Variants in STARD13 observed in about 807,000 individuals in gnomAD.
STARD13 encodes stAR-related lipid transfer protein 13.
In STARD13, 62 loss-of-function variants were observed where a neutral mutation model predicts 106.4. That is an observed-to-expected ratio of 0.58 (90% confidence interval 0.48 to 0.72). The LOEUF is 0.72. Ranked by LOEUF, STARD13 falls within the 30% of genes least tolerant of loss-of-function variation. STARD13 has a pLI of 0.00. For missense variants in STARD13, 1,387 were observed against 1,424.0 expected, an observed-to-expected ratio of 0.97 and a Z score of 0.42; for synonymous variants, 565 against 553.0, an observed-to-expected ratio of 1.02 and a Z score of -0.31.
chr13:33,555,160 T>C, the STARD13 span, among the ~76,000 whole-genome samples: 1 of 152,346 alleles, frequency 6.6e-6, no homozygotes, highest in African/African-American at 2.4e-5. Flanking sequence ...TGTAACTAGT[T>C]AGTATCTGAA....
the STARD13 span, among the ~76,000 whole-genome samples, chr13:33,512,357 A>C: frequency 6.6e-6 from 1 of 152,200 alleles, no homozygotes; most frequent in African/African-American, 2.4e-5. Flanking sequence ...AGGAGTAATA[A>C]ATACTGTTAA....
At chr13:33,382,261 T>TATAG in the STARD13 span, among the ~76,000 whole-genome samples, 1 of 152,174 alleles carries the variant, frequency 6.6e-6, no homozygotes, top group Non-Finnish European at 1.5e-5. Flanking sequence ...TCAATCCAGT[T>TATAG]ATAGAAGTTG....
the STARD13 span, among the ~76,000 whole-genome samples, chr13:33,669,530 C>CTTTTTTTTTTT: frequency 9.7e-6 from 1 of 103,154 alleles, no homozygotes; most frequent in Non-Finnish European, 1.9e-5. Flanking sequence ...AGAGGATGTT[C>CTTTTTTTTTTT]TTTTTTTTTT....
At chr13:33,160,511 C>G (rs1882496460) in intron 3 of STARD13, among the ~76,000 whole-genome samples, 1 of 152,132 alleles carries the variant, frequency 6.6e-6, no homozygotes, top group Non-Finnish European at 1.5e-5. Flanking sequence ...CAAGCTACAG[C>G]CTGGCAGAAA....
intron 1 of STARD13, among the ~76,000 whole-genome samples, chr13:33,211,831 G>A (rs572958935): frequency 0.011 from 1,002 of 93,698 alleles, 14 homozygotes; most frequent in African/African-American, 0.028. Flanking sequence ...GTGTGTATGT[G>A]TGTGTGTGTG....
the STARD13 span, among the ~76,000 whole-genome samples, chr13:33,463,996 A>G: frequency 8.3e-5 from 12 of 144,954 alleles, no homozygotes; most frequent in Non-Finnish European, 1.8e-4. Flanking sequence ...GGGTAACAAA[A>G]ACAAGACTCC....
chr13:33,591,387 A>G, the STARD13 span, among the ~76,000 whole-genome samples: 1 of 152,244 alleles, frequency 6.6e-6, no homozygotes, highest in Non-Finnish European at 1.5e-5. Flanking sequence ...CATGTGTTAT[A>G]TGCATATATC....
At chr13:33,294,297 T>G (rs529156611) in intron 1 of STARD13, among the ~76,000 whole-genome samples, 1 of 152,302 alleles carries the variant, frequency 6.6e-6, no homozygotes, top group Admixed American at 6.5e-5. Flanking sequence ...TGGTCTGTAT[T>G]TTGTGGGAAC....
At chr13:33,499,646 CTCCTT>C in the STARD13 span, among the ~76,000 whole-genome samples, 1 of 129,848 alleles carries the variant, frequency 7.7e-6, no homozygotes, top group Non-Finnish European at 1.6e-5. Context: ...TCTTCTTCTT[CTCCTT>C]CTTCTTCTTC....
intron 1 of STARD13, chr13:33,272,489 C>T (rs1263337298): frequency 6.6e-6 from 1 of 152,128 alleles, no homozygotes; most frequent in Non-Finnish European, 1.5e-5. Flanking sequence ...CCAATCCAGA[C>T]CCAAATATTT....
chr13:33,279,480 A>G (rs2138392169), intron 1 of STARD13: 1 of 152,368 alleles, frequency 6.6e-6, no homozygotes, highest in East Asian at 1.9e-4. Context: ...CAGAACCCAA[A>G]TTTGGCAACT....
At chr13:33,117,001 A>C (rs1875464751) in intron 8 of STARD13, among the ~76,000 whole-genome samples, 1 of 152,240 alleles carries the variant, frequency 6.6e-6, no homozygotes, top group South Asian at 2.1e-4. Context: ...CTCAAAACTC[A>C]AAGTCCATGG....
chr13:33,338,531 T>C (rs1015638447), intron 1 of STARD13, among the ~76,000 whole-genome samples: 1 of 152,138 alleles, frequency 6.6e-6, no homozygotes, highest in Non-Finnish European at 1.5e-5. Context: ...AATGGATCGA[T>C]ACGAGATGCT....
chr13:33,307,515 T>C (rs1191979603), intron 1 of STARD13, among the ~76,000 whole-genome samples: 1 of 152,100 alleles, frequency 6.6e-6, no homozygotes, highest in African/African-American at 2.4e-5. Context: ...TGCAGGGACA[T>C]AGATGGAGCT....
At chr13:33,659,543 T>C in the STARD13 span, among the ~76,000 whole-genome samples, 2 of 152,098 alleles carry the variant, frequency 1.3e-5, no homozygotes, top group Non-Finnish European at 2.9e-5. Flanking sequence ...GCATTAGAAG[T>C]CGGAGCAGTT....
At chr13:33,528,276 T>TC in the STARD13 span, among the ~76,000 whole-genome samples, 1 of 101,138 alleles carries the variant, frequency 9.9e-6, no homozygotes, top group Non-Finnish European at 1.8e-5. Context: ...ATATATATAC[T>TC]CTTTTTTTTT....
intron 1 of STARD13, among the ~76,000 whole-genome samples, chr13:33,267,522 G>A (rs1356833999): frequency 6.6e-6 from 1 of 152,114 alleles, no homozygotes; most frequent in East Asian, 1.9e-4. Flanking sequence ...ATCAAACTCT[G>A]GTGTGATATT....
At chr13:33,437,068 A>G in the STARD13 span, among the ~76,000 whole-genome samples, 1 of 152,164 alleles carries the variant, frequency 6.6e-6, no homozygotes, top group African/African-American at 2.4e-5. Context: ...CAAAGAAAGA[A>G]AAAGTAAAAA....
At chr13:33,203,858 T>C (rs1887223350) in intron 1 of STARD13, among the ~76,000 whole-genome samples, 1 of 152,204 alleles carries the variant, frequency 6.6e-6, no homozygotes, top group Non-Finnish European at 1.5e-5. Context: ...TGGAGGCAAT[T>C]TCATTAATGG....
Sources: allele counts gnomAD v4.1 joint callset (sites outside exome capture counted in the v4.1 genomes callset), GRCh38; gene constraint gnomAD v4.1.1; transcripts MANE v1.5; gene names NCBI Gene and HGNC (gene_info 2026-07-23, HGNC 2026-07-21).